Variants in IL33 observed in about 807,000 individuals in gnomAD.
IL33 encodes interleukin 33, also known as interleukin-33.
Under a neutral mutation model 27.3 loss-of-function variants are expected in IL33, and 37 were observed. The observed-to-expected ratio is 1.36, with a 90% CI of 1.04 to 1.78. The LOEUF is 1.78. Among genes scored for constraint, IL33 ranks in the 40% most tolerant of loss-of-function variants. The pLI is 0.00. For missense variants in IL33, 406 were observed against 311.4 expected (o/e 1.30, Z -2.29); for synonymous variants, 132 against 102.9 (o/e 1.28, Z -1.71).
chr9:6,234,242 G>T (rs1819070417), intron 1 of IL33, among the ~76,000 whole-genome samples: 1 of 152,190 alleles, frequency 6.6e-6, no homozygotes, highest in Non-Finnish European at 1.5e-5. Context: ...AAATCCACAT[G>T]GCTAAGTTTG....
intron 1 of IL33, among the ~76,000 whole-genome samples, chr9:6,232,015 C>T (rs1818951055): frequency 6.6e-6 from 1 of 152,114 alleles, no homozygotes; most frequent in East Asian, 1.9e-4. Flanking sequence ...AAGTAAAATT[C>T]ACAATAAAAG....
chr9:6,217,549 C>T (rs960079948), intron 1 of IL33, among the ~76,000 whole-genome samples: 1 of 152,146 alleles, frequency 6.6e-6, no homozygotes, highest in Non-Finnish European at 1.5e-5. Flanking sequence ...TGTTATTTCT[C>T]ACTGTCAGTT....
chr9:6,250,573 C>T lies in IL33; in HGVS notation c.191C>T (p.Thr64Ile). ...GAGGCCTGTTACTTTAGGAGAGAAA[C>T]CACCAAAAGGCCTTCACTGAAAACA... ...KKEACYFRRE[T>I]TKRPSLKTGR... The change falls in exon 3 of 8, where the codon ACC becomes ATC. Residue 64 changes from threonine to isoleucine, a missense_variant. Thr to Ile is a moderately conservative substitution (Grantham distance 89). Transcript: ENST00000682010. The T allele has an allele frequency of 6.2e-7, 1 of 1,613,884 alleles. No individual in the cohort carries two copies. Among genetic ancestry groups the T allele is most frequent in the Non-Finnish European group, 8.5e-7 (1 of 1,179,850 alleles).
rs1417243983 is a variant in IL33, at chr9:6,256,198, G to A, written c.*30G>A. The A allele has an allele frequency of 2.0e-6, 3 of 1,485,594 alleles. No individual in the cohort carries two copies. The highest frequency in any genetic ancestry group is 2.8e-6 in the Non-Finnish European group (3 of 1,065,578). 92.0% of individuals were successfully genotyped at this position (1,485,594 alleles called of 1,614,324 possible). The stretch of plus-strand genomic sequence containing the variant: ...TGGAAACCTGTGAGTCTTGGGTTGA[G>A]TACCCAAATGCTACCACTGGAGAAG... On this transcript the variant is annotated 3_prime_UTR_variant, in exon 8 of 8. Transcript: ENST00000682010.
At chr9:6,216,950 C>G (rs1477604998) in intron 1 of IL33, among the ~76,000 whole-genome samples, 4 of 152,104 alleles carry the variant, frequency 2.6e-5, no homozygotes, top group African/African-American at 9.7e-5. Flanking sequence ...TGACACAGGG[C>G]CAGCCAGCCA....
Position 6,254,547 on chromosome 9 carries a change from T to C in IL33, c.606T>C (p.Ser202=), listed in dbSNP as rs759471218. ...TGCATGCCAACAACAAGGAACACTC[T>C]GTGGAGGTAAAAAAAAAAAATTTAT... ...FWLHANNKEH[S]VELHKCEKPL... is the part of the protein sequence containing the mutation. The change falls in exon 7 of 8, where the codon TCT becomes TCC. Residue 202 remains serine, a synonymous_variant. Transcript: ENST00000682010. The C allele has an allele frequency of 6.4e-7, 1 of 1,573,070 alleles. No homozygotes were observed. The highest frequency in any genetic ancestry group is 8.6e-7 in the Non-Finnish European group (1 of 1,162,416).
intron 1 of IL33, among the ~76,000 whole-genome samples, chr9:6,220,452 T>C (rs1375253327): frequency 6.6e-6 from 1 of 152,248 alleles, no homozygotes; most frequent in Non-Finnish European, 1.5e-5. Flanking sequence ...CTCTAACTTC[T>C]TAGCCTGCTG....
intron 1 of IL33, among the ~76,000 whole-genome samples, chr9:6,224,266 C>G (rs763624730): frequency 1.3e-5 from 2 of 152,090 alleles, no homozygotes; most frequent in Non-Finnish European, 2.9e-5. Context: ...TTCACTGGCT[C>G]TAACTATATA....
chr9:6,238,121 G>A (rs760643821), intron 1 of IL33, among the ~76,000 whole-genome samples: 2 of 152,184 alleles, frequency 1.3e-5, no homozygotes, highest in Non-Finnish European at 2.9e-5. Context: ...CGGAAAGGGA[G>A]AAAGAATGGA....
intron 6 of IL33, 108 bp downstream of exon 6, chr9:6,253,710 G>C (rs10975520): frequency 0.32 from 244,125 of 758,366 alleles, 41,394 homozygotes; most frequent in Admixed American, 0.49. Flanking sequence ...AGTCTCAGAA[G>C]GTTATCTCCA....
intron 1 of IL33, among the ~76,000 whole-genome samples, chr9:6,229,042 C>A (rs1818795188): frequency 6.6e-6 from 1 of 151,848 alleles, no homozygotes; most frequent in Non-Finnish European, 1.5e-5. Context: ...AGGATGGTAC[C>A]CTTTGTGTGA....
rs1281775581 is a variant in IL33, at chr9:6,256,113, A to G, written c.758A>G (p.Asp253Gly). 1 of 1,613,340 alleles carries G rather than the reference A, an allele frequency of 6.2e-7. No individual in the cohort carries two copies. Among genetic ancestry groups the G allele is most frequent in the Admixed American group, 1.7e-5 (1 of 59,942 alleles). The change falls in exon 8 of 8, where the codon GAC (aspartate) becomes GGC (glycine). Residue 253 changes from aspartate to glycine, a missense_variant. By Grantham distance (94) the Asp-to-Gly change is moderately conservative. Coordinates refer to ENST00000682010, the MANE Select transcript of IL33 (RefSeq NM_033439.4). ...KDNHLALIKV[D>G]SSENLCTENI... ...AATCATCTTGCTCTGATTAAAGTAG[A>G]CTCTTCTGAGAATTTGTGTACTGAA... is the stretch of plus-strand genomic sequence containing the variant.
upstream of IL33, among the ~76,000 whole-genome samples, chr9:6,215,431 T>G (rs1299209316): frequency 6.6e-6 from 1 of 152,120 alleles, no homozygotes; most frequent in Non-Finnish European, 1.5e-5. Context: ...TATAAAGGAA[T>G]TTGGAAGAAT....
rs984620440 is a variant in IL33, at chr9:6,252,744, A to G, written c.344-122A>G. The G allele has an allele frequency of 3.7e-5, 43 of 1,154,694 alleles. No individual in the cohort carries two copies. The African/African-American group carries it at 5.4e-4, about 15-fold the overall frequency. The allele number at this position is 1,154,694 out of a possible 1,614,324, so 71.5% of individuals were successfully genotyped here. A position where few individuals can be genotyped will look rare whatever the true frequency, so the allele number is the denominator to read the frequency against. ...TGTAAAACTTGTATCAAAGGCTTTAATCTAGCCAACAGTGACATACAAAAT... is the reference window on the plus strand; with the variant it reads ...TGTAAAACTTGTATCAAAGGCTTTAGTCTAGCCAACAGTGACATACAAAAT... On this transcript the variant is annotated intron_variant, in intron 4 of 7. Transcript: ENST00000682010.
chr9:6,248,500 G>C (rs1041551927), intron 2 of IL33, among the ~76,000 whole-genome samples: 1 of 152,028 alleles, frequency 6.6e-6, no homozygotes, highest in African/African-American at 2.4e-5. Flanking sequence ...TCCACCATCA[G>C]ATGATCCTCA....
At chr9:6,230,279 T>C (rs776014642) in intron 1 of IL33, among the ~76,000 whole-genome samples, 1 of 152,176 alleles carries the variant, frequency 6.6e-6, no homozygotes, top group Non-Finnish European at 1.5e-5. Flanking sequence ...GCTTGAGTCA[T>C]AGATTGATCT....
At chr9:6,244,384 T>C (rs1819703523) in intron 2 of IL33, among the ~76,000 whole-genome samples, 1 of 152,188 alleles carries the variant, frequency 6.6e-6, no homozygotes, top group Admixed American at 6.5e-5. Flanking sequence ...ACCCAACAGA[T>C]GCTTAAAACA....
chr9:6,218,316 G>A (rs1256042440), intron 1 of IL33, among the ~76,000 whole-genome samples: 4 of 152,072 alleles, frequency 2.6e-5, no homozygotes, highest in Non-Finnish European at 5.9e-5. Flanking sequence ...CAGCCAGAAA[G>A]CACCTCTTTC....
chr9:6,224,767 A>C (rs553783265), intron 1 of IL33, among the ~76,000 whole-genome samples: 3 of 152,330 alleles, frequency 2.0e-5, no homozygotes, highest in South Asian at 4.1e-4. Context: ...AGGGTGATAC[A>C]TTTTGATATA....
Sources: gnomAD v4.1 joint callset for allele counts (sites outside exome capture counted in the v4.1 genomes callset) on GRCh38, gnomAD v4.1.1 for gene constraint, MANE v1.5 for transcripts, NCBI Gene and HGNC (gene_info 2026-07-23, HGNC 2026-07-21) for gene names.